Variants in DIP2C observed in about 807,000 individuals in gnomAD.
DIP2C encodes disco-interacting protein 2 homolog C.
In DIP2C, 33 loss-of-function variants were observed where a neutral mutation model predicts 192.4. The ratio of observed to expected loss-of-function variants is 0.17; its 90% CI spans 0.13 to 0.23. DIP2C has a LOEUF of 0.23. DIP2C is among the 10% of genes least tolerant of loss of function. The pLI is 1.00. For synonymous variants in DIP2C, 979 were observed against 864.1 expected (o/e 1.13, Z -2.33); for missense variants, 1,537 against 2,110.1 (o/e 0.73, Z 5.32).
At position 327,141 on chromosome 10, in the gene DIP2C, G is replaced by A. The variant is rs570243858; in HGVS notation, c.3789C>T (p.Cys1263=). The change falls in exon 31 of 37, where the codon TGC becomes TGT. Residue 1263 remains cysteine (C), a synonymous_variant. Coordinates refer to ENST00000280886, the MANE Select transcript of DIP2C (RefSeq NM_014974.3). Reference sequence around the variant, plus strand: ...GAGGCCTCTCTTCCGCCACAACCACGCAGGTCCTCACTCGGGACAAGTCCA... The same window carrying A: ...GAGGCCTCTCTTCCGCCACAACCACACAGGTCCTCACTCGGGACAAGTCCA... ...RGLDLSRVRT[C]VVVAEERPRI... is the part of the protein sequence containing the mutation. 1.5e-5 allele frequency: 24 copies of A among 1,614,084 alleles called. No individual in the cohort carries two copies. The highest frequency in any genetic ancestry group is 1.1e-4 in the African/African-American group (8 of 75,054).
intron 1 of DIP2C, among the ~76,000 whole-genome samples, chr10:543,460 C>G (rs1181552501): frequency 6.6e-6 from 1 of 152,232 alleles, no homozygotes; most frequent in Non-Finnish European, 1.5e-5. Flanking sequence ...TACTGCACCA[C>G]TAAAGACCAT....
At chr10:541,283 G>A (rs816642) in intron 1 of DIP2C, among the ~76,000 whole-genome samples, 3,107 of 152,196 alleles carry the variant, frequency 0.02, 100 homozygotes, top group African/African-American at 0.071. Context: ...ACCCTGCCGA[G>A]GACAGTGCAC....
At chr10:413,505 G>T (rs1047321991) in intron 8 of DIP2C, among the ~76,000 whole-genome samples, 1 of 152,170 alleles carries the variant, frequency 6.6e-6, no homozygotes, top group African/African-American at 2.4e-5. Context: ...AGCCATTTCT[G>T]GTTTTAACTC....
chr10:403,751 C>A (rs528428137), intron 9 of DIP2C, among the ~76,000 whole-genome samples: 1 of 150,866 alleles, frequency 6.6e-6, no homozygotes, highest in African/African-American at 2.4e-5. Flanking sequence ...TTCATCAGCC[C>A]ATGAATCCTG....
intron 1 of DIP2C, among the ~76,000 whole-genome samples, chr10:604,533 C>CTGGCGTCAT (rs2131720680): frequency 6.6e-6 from 1 of 152,368 alleles, no homozygotes; most frequent in East Asian, 1.9e-4. Flanking sequence ...ACAGCTGAGC[C>CTGGCGTCAT]TGGCGTCATG....
intron 1 of DIP2C, among the ~76,000 whole-genome samples, chr10:557,498 G>A (rs951851265): frequency 1.3e-5 from 2 of 151,134 alleles, no homozygotes; most frequent in Non-Finnish European, 2.9e-5. Context: ...GGCCTCACCT[G>A]GGCTGTCTCA....
intron 1 of DIP2C, among the ~76,000 whole-genome samples, chr10:621,932 T>C (rs779345775): frequency 1.3e-5 from 2 of 152,014 alleles, no homozygotes; most frequent in Non-Finnish European, 2.9e-5. Context: ...ACAAACCAAA[T>C]GGTTTTGTTT....
rs1236849680 is a variant in DIP2C at position 636,025 on chromosome 10, C to T, written c.85+53469G>A. Among the ~76,000 whole-genome samples, 1 of 152,238 alleles carries T rather than the reference C, an allele frequency of 6.6e-6. No homozygotes were observed. Among genetic ancestry groups the T allele is most frequent in the Non-Finnish European group, 1.5e-5 (1 of 68,044 alleles). On this transcript the variant is annotated intron_variant, in intron 1 of 36. Coordinates refer to ENST00000280886, the MANE Select transcript of DIP2C (RefSeq NM_014974.3). The surrounding 1 kb of genome is among the most constrained non-coding windows in gnomAD (Gnocchi z 4.6). ...GAGGCAGGCAGTGCTCATCTCAAAA[C>T]TGTACAAGTGGTTTCTTTAGCCAGT...
chr10:342,471 T>C (rs556455715), intron 28 of DIP2C, among the ~76,000 whole-genome samples: 58 of 152,182 alleles, frequency 3.8e-4, no homozygotes, highest in Admixed American at 1.6e-3. Flanking sequence ...TGTGACCCTC[T>C]CTCTAACACA....
intron 32 of DIP2C, among the ~76,000 whole-genome samples, chr10:299,269 T>C (rs888829821): frequency 7.2e-5 from 11 of 152,382 alleles, no homozygotes; most frequent in African/African-American, 2.6e-4. Flanking sequence ...AATTTTAATA[T>C]TGATCCAATA....
intron 29 of DIP2C, among the ~76,000 whole-genome samples, chr10:339,998 T>G (rs1958064996): frequency 6.6e-6 from 1 of 152,094 alleles, no homozygotes; most frequent in African/African-American, 2.4e-5. Context: ...CTGGCCAACA[T>G]GGTGAAACCT....
intron 2 of DIP2C, among the ~76,000 whole-genome samples, chr10:479,007 T>C (rs1843390154): frequency 6.6e-6 from 1 of 152,022 alleles, no homozygotes; most frequent in Non-Finnish European, 1.5e-5. Context: ...TCCACAGGAG[T>C]GTCCTGCAGG....
chr10:418,555 AGAAG>A (rs1965961242), intron 6 of DIP2C, among the ~76,000 whole-genome samples: 1 of 152,220 alleles, frequency 6.6e-6, no homozygotes, highest in Non-Finnish European at 1.5e-5. Context: ...TGGGCCACAA[AGAAG>A]GAAGGAAGAA....
At chr10:491,509 C>G (rs910521192) in intron 1 of DIP2C, among the ~76,000 whole-genome samples, 2 of 152,192 alleles carry the variant, frequency 1.3e-5, no homozygotes, top group Non-Finnish European at 2.9e-5. Context: ...AGACCGGTGA[C>G]AGCTCCTGTG....
At chr10:520,526 C>G (rs1328348090) in intron 1 of DIP2C, among the ~76,000 whole-genome samples, 1 of 152,148 alleles carries the variant, frequency 6.6e-6, no homozygotes, top group Non-Finnish European at 1.5e-5. Context: ...TTGGGTTTTC[C>G]GTGGGCAGAG....
At chr10:371,060 T>TATCCTCCTGGCCTTTAATTC (rs1245882971) in intron 17 of DIP2C, among the ~76,000 whole-genome samples, 1 of 152,080 alleles carries the variant, frequency 6.6e-6, no homozygotes, top group African/African-American at 2.4e-5. Flanking sequence ...GGCTTTCCAT[T>TATCCTCCTGGCCTTTAATTC]ATCCTCCTGG....
rs770745100 is a variant in DIP2C at position 553,924 on chromosome 10, AGTG to A, written c.86-67397_86-67395del. ...AAAGGTATACGCTTGTAACTGTAAC[AGTG>A]GTGAACAGGCAAGAAATGATACCTC... On this transcript the variant is annotated intron_variant, in intron 1 of 36. Coordinates refer to ENST00000280886, the MANE Select transcript of DIP2C (RefSeq NM_014974.3). Among the ~76,000 whole-genome samples the A allele has an allele frequency of 1.7e-3, 260 of 152,256 alleles. 1 individual carries two copies. Among genetic ancestry groups the A allele is most frequent in the Middle Eastern group, 0.01 (3 of 294 alleles).
chr10:651,003 G>T lies in DIP2C; in HGVS notation c.85+38491C>A. On this transcript the variant is annotated intron_variant, in intron 1 of 36. Coordinates refer to ENST00000280886, the MANE Select transcript of DIP2C (RefSeq NM_014974.3). The surrounding 1 kb of genome is among the most constrained non-coding windows in gnomAD (Gnocchi z 4.1). Reference sequence around the variant, plus strand: ...CCTCTCTCCATCTCTCCCGGTGCCAGGGCTCAGGCCCCAGCCCCCGTTTCT... The same window carrying T: ...CCTCTCTCCATCTCTCCCGGTGCCATGGCTCAGGCCCCAGCCCCCGTTTCT... 1.4e-6 allele frequency: 1 copy of T among 717,422 alleles called. No individual in the cohort carries two copies. The highest frequency in any genetic ancestry group is 2.7e-5 in the East Asian group (1 of 37,288). 44.4% of individuals were successfully genotyped at this position (717,422 alleles called of 1,614,324 possible). A position where few individuals can be genotyped will look rare whatever the true frequency, so the allele number is the denominator to read the frequency against.
chr10:363,359 C>T lies in DIP2C; in HGVS notation c.2478-48G>A, dbSNP rs755247363. ...TGAGCACGCGCCGGGGACGCTCATGCAGCCCTCCCTCCGCCATCAGGGGCT... is the reference window on the plus strand; with the variant it reads ...TGAGCACGCGCCGGGGACGCTCATGTAGCCCTCCCTCCGCCATCAGGGGCT... On this transcript the variant is annotated intron_variant, in intron 20 of 36. Transcript: ENST00000280886. The surrounding 1 kb of genome is among the most constrained non-coding windows in gnomAD (Gnocchi z 5.4). 4 of 1,538,134 alleles carry T rather than the reference C, an allele frequency of 2.6e-6. No homozygotes were observed. In the Admixed American group the frequency reaches 5.1e-5, roughly 20 times the overall value.
Sources: allele counts gnomAD v4.1 joint callset (sites outside exome capture counted in the v4.1 genomes callset), GRCh38; gene constraint gnomAD v4.1.1; non-coding constraint Gnocchi (gnomAD v3.1); transcripts MANE v1.5; gene names NCBI Gene and HGNC (gene_info 2026-07-23, HGNC 2026-07-21).